Variants in C2CD3 observed in about 807,000 individuals in gnomAD.
The protein encoded by C2CD3 is C2 domain-containing protein 3.
C2CD3 carries 148 observed loss-of-function variants against 234.0 expected under a neutral mutation model. The ratio of observed to expected loss-of-function variants is 0.63; its 90% CI spans 0.55 to 0.72. The LOEUF (loss-of-function observed/expected upper bound fraction) is 0.72, where lower values mean the gene tolerates loss of function less well. Ranked by LOEUF, C2CD3 falls within the 30% of genes least tolerant of loss-of-function variation. C2CD3 has a pLI of 0.00. For missense variants in C2CD3, 2,577 were observed against 2,811.5 expected, an observed-to-expected ratio of 0.92 and a Z score of 1.89; for synonymous variants, 1,000 against 1,035.4, an observed-to-expected ratio of 0.97 and a Z score of 0.66.
At chr11:74,073,692 G>T (rs1954905296) in intron 24 of C2CD3, among the ~76,000 whole-genome samples, 1 of 151,880 alleles carries the variant, frequency 6.6e-6, no homozygotes, top group Non-Finnish European at 1.5e-5. Context: ...CTGCAATAAT[G>T]ATGTGATATG....
chr11:74,069,199 A>T (rs1249650338), intron 24 of C2CD3, among the ~76,000 whole-genome samples: 1 of 152,242 alleles, frequency 6.6e-6, no homozygotes, highest in East Asian at 1.9e-4. Flanking sequence ...TTGAACAGAC[A>T]CATTCCTTTT....
At chr11:74,107,151 C>G (rs1382594318) in intron 12 of C2CD3, among the ~76,000 whole-genome samples, 3 of 152,016 alleles carry the variant, frequency 2.0e-5, no homozygotes, top group Non-Finnish European at 4.4e-5. Context: ...GTGAAACCCC[C>G]GTCTCTACTA....
chr11:74,083,108 G>GA (rs145971640), intron 22 of C2CD3, among the ~76,000 whole-genome samples: 12,546 of 152,062 alleles, frequency 0.083, 1,390 homozygotes, highest in African/African-American at 0.25. Flanking sequence ...TTGACCAATA[G>GA]ACAGAACAGA....
At chr11:74,040,800 C>T (rs747462941) in intron 29 of C2CD3, among the ~76,000 whole-genome samples, 2 of 151,808 alleles carry the variant, frequency 1.3e-5, no homozygotes, top group African/African-American at 2.4e-5. Context: ...AGCCGGAAGC[C>T]GCAGTGGCTC....
intron 22 of C2CD3, among the ~76,000 whole-genome samples, chr11:74,084,358 G>C (rs1955540277): frequency 6.6e-6 from 1 of 151,646 alleles, no homozygotes; most frequent in Non-Finnish European, 1.5e-5. Context: ...CAAGTTAATG[G>C]GTGCCATGGC....
chr11:74,154,763 G>A (rs1178484613), intron 3 of C2CD3, among the ~76,000 whole-genome samples: 1 of 152,136 alleles, frequency 6.6e-6, no homozygotes, highest in Non-Finnish European at 1.5e-5. Context: ...TAGGTGATGA[G>A]CCAGATTTGG....
intron 19 of C2CD3, chr11:74,091,305 A>G (rs1278932670): frequency 5.9e-6 from 1 of 168,872 alleles, no homozygotes; most frequent in African/African-American, 2.4e-5. Flanking sequence ...CACCTCACAT[A>G]CTTCTATCAC....
At chr11:74,116,850 A>G (rs1305005313) in intron 9 of C2CD3, among the ~76,000 whole-genome samples, 10 of 138,432 alleles carry the variant, frequency 7.2e-5, no homozygotes, top group African/African-American at 2.2e-4. Context: ...ATACACGTGT[A>G]TATGTGTATA....
chr11:74,156,487 G>A (rs1406232153), intron 3 of C2CD3, among the ~76,000 whole-genome samples: 5 of 144,292 alleles, frequency 3.5e-5, no homozygotes, highest in Non-Finnish European at 6.0e-5. Context: ...AAAAAAAGGT[G>A]AATTTTATGG....
chr11:74,146,747 C>CACAA (rs58129019), intron 3 of C2CD3, among the ~76,000 whole-genome samples: 1 of 144,004 alleles, frequency 6.9e-6, no homozygotes. Context: ...CACACACACA[C>CACAA]AATTAACATA....
At chr11:74,144,450 T>A (rs890242042) in intron 3 of C2CD3, among the ~76,000 whole-genome samples, 4 of 151,358 alleles carry the variant, frequency 2.6e-5, no homozygotes, top group Admixed American at 1.3e-4. Context: ...TTTTCTTTTT[T>A]AAAAAAATTT....
In C2CD3 at chr11:74,106,479, T is replaced by G; in HGVS notation, c.1977A>C (p.Gly659=). The change falls in exon 13 of 33, where the codon GGA becomes GGC. Residue 659 remains glycine, a synonymous_variant. Coordinates refer to ENST00000334126, the MANE Select transcript of C2CD3 (RefSeq NM_001286577.2). ...KTPQKKPEVI[G]SVSLSLRAVI... ...CAGCTCGCAAAGAAAGTGACACAGATCCAATGACTTCTGGCTGAGAAAGAA... is the reference window on the plus strand; with the variant it reads ...CAGCTCGCAAAGAAAGTGACACAGAGCCAATGACTTCTGGCTGAGAAAGAA... 6.2e-7 allele frequency: 1 copy of G among 1,613,866 alleles called. No homozygotes were observed. The highest frequency in any genetic ancestry group is 8.5e-7 in the Non-Finnish European group (1 of 1,179,856).
intron 22 of C2CD3, among the ~76,000 whole-genome samples, chr11:74,079,072 G>T (rs1252488345): frequency 6.6e-6 from 1 of 150,622 alleles, no homozygotes; most frequent in Non-Finnish European, 1.5e-5. Context: ...TGAGATAATG[G>T]TTTAGAAAGA....
At chr11:74,147,214 A>C (rs776012279) in intron 3 of C2CD3, among the ~76,000 whole-genome samples, 69 of 152,140 alleles carry the variant, frequency 4.5e-4, no homozygotes, top group Non-Finnish European at 9.6e-4. Flanking sequence ...CCAGAGTTCA[A>C]GACCAGCTTG....
intron 29 of C2CD3, among the ~76,000 whole-genome samples, chr11:74,039,577 T>C (rs181032924): frequency 6.6e-6 from 1 of 152,260 alleles, no homozygotes; most frequent in African/African-American, 2.4e-5. Context: ...TTCATGGGAT[T>C]CTGATATACA....
chr11:74,149,061 GTATTTACCTC>G (rs1855419189), intron 3 of C2CD3, among the ~76,000 whole-genome samples: 3 of 152,054 alleles, frequency 2.0e-5, no homozygotes, highest in Non-Finnish European at 4.4e-5. Flanking sequence ...GATTCCTGTG[GTATTTACCTC>G]TATAGCTCCA....
chr11:74,123,438 G>A (rs1957289856), intron 7 of C2CD3, among the ~76,000 whole-genome samples: 1 of 151,394 alleles, frequency 6.6e-6, no homozygotes, highest in South Asian at 2.1e-4. Flanking sequence ...AGGTGGCTAA[G>A]CTAACACAAT....
intron 29 of C2CD3, among the ~76,000 whole-genome samples, chr11:74,041,229 C>T (rs1323694391): frequency 6.6e-6 from 1 of 152,130 alleles, no homozygotes; most frequent in Non-Finnish European, 1.5e-5. Context: ...CTTAGTCTGA[C>T]ATTCAAGGAC....
At position 74,033,778 on chromosome 11, in the gene C2CD3, T is replaced by TAC. The variant is rs571682211; in HGVS notation, c.6380_6381dup (p.Ser2128ValfsTer104). The TAC allele has an allele frequency of 6.5e-6, 10 of 1,536,220 alleles. No homozygotes were observed. The highest frequency in any genetic ancestry group is 7.8e-6 in the Non-Finnish European group (9 of 1,146,952). On this transcript the variant is annotated frameshift_variant, in exon 31 of 33. Transcript: ENST00000334126. LOFTEE classifies it high-confidence loss of function. ...GCCCTTTCTGGGCTGGAGAGAAAGC[T>TAC]ACTTTTGACCATAAGCTCCTCTCTG...
Sources: gnomAD v4.1 joint callset for allele counts (sites outside exome capture counted in the v4.1 genomes callset) on GRCh38, gnomAD v4.1.1 for gene constraint, MANE v1.5 for transcripts, NCBI Gene and HGNC (gene_info 2026-07-23, HGNC 2026-07-21) for gene names.